MYO16: variants seen among roughly 807,000 people sequenced by gnomAD.
The protein encoded by MYO16 is unconventional myosin-XVI.
MYO16 carries 94 observed loss-of-function variants against 205.3 expected under a neutral mutation model. That is an observed-to-expected ratio of 0.46 (90% CI 0.39 to 0.54). MYO16 has a LOEUF of 0.54. MYO16 is among the 20% of genes least tolerant of loss of function. The probability of loss-of-function intolerance (pLI) is 0.00; values close to 1 mark genes in which losing one functional copy is unlikely to be tolerated. For missense variants in MYO16, 2,315 were observed against 2,387.5 expected (o/e 0.97, Z 0.63); for synonymous variants, 988 against 954.0 (o/e 1.04, Z -0.66).
chr13:109,055,382 C>T lies in MYO16; in HGVS notation c.3130-8C>T. ...GGAGAATCAGTTGGGTTCTACTTCT[C>T]TCCTTAGAAATCACTAATGGATATT... is the stretch of plus-strand genomic sequence containing the variant. On this transcript the variant is annotated splice_polypyrimidine_tract_variant and splice_region_variant and intron_variant, in intron 26 of 34. Coordinates refer to ENST00000457511, the MANE Select transcript of MYO16 (RefSeq NM_001198950.3). The surrounding 1 kb of genome is among the most constrained non-coding windows in gnomAD (Gnocchi z 5.0). 1 of 1,602,610 alleles carries T rather than the reference C, an allele frequency of 6.2e-7. No individual in the cohort carries two copies. The highest frequency in any genetic ancestry group is 8.5e-7 in the Non-Finnish European group (1 of 1,172,058).
the MYO16 span, among the ~76,000 whole-genome samples, chr13:108,572,586 A>G: frequency 2.0e-5 from 3 of 152,212 alleles, no homozygotes; most frequent in East Asian, 1.9e-4. Context: ...AGTGCGTTCT[A>G]TATTTTTGCA....
At chr13:108,609,026 C>T (rs1376628123) in intron 1 of MYO16, among the ~76,000 whole-genome samples, 1 of 151,410 alleles carries the variant, frequency 6.6e-6, no homozygotes, top group Non-Finnish European at 1.5e-5. Flanking sequence ...TTGAAAGGTA[C>T]TCAATGGTGA....
At chr13:109,119,876 C>T (rs1269793735) in intron 28 of MYO16, among the ~76,000 whole-genome samples, 1 of 152,132 alleles carries the variant, frequency 6.6e-6, no homozygotes, top group Non-Finnish European at 1.5e-5. Context: ...GTTGTACAAA[C>T]ATTTGATTTA....
chr13:108,712,817 AT>A, intron 3 of MYO16, 86 bp downstream of exon 3: 1 of 950,630 alleles, frequency 1.1e-6, no homozygotes, highest in Non-Finnish European at 1.6e-6. Flanking sequence ...CGAAATGTAC[AT>A]CTCACAGATG....
intron 10 of MYO16, among the ~76,000 whole-genome samples, chr13:108,853,954 T>TGTGTGTG (rs143412032): frequency 1.2e-4 from 16 of 138,500 alleles, no homozygotes; most frequent in African/African-American, 4.3e-4. Flanking sequence ...GTTTCTATTA[T>TGTGTGTG]TGTGTGTGTG....
intron 1 of MYO16, among the ~76,000 whole-genome samples, chr13:108,616,498 T>G (rs1879355275): frequency 6.6e-6 from 1 of 152,098 alleles, no homozygotes; most frequent in African/African-American, 2.4e-5. Flanking sequence ...ATGGGTCATA[T>G]GATGATGACT....
At chr13:108,920,804 G>T (rs1261953226) in intron 16 of MYO16, among the ~76,000 whole-genome samples, 12 of 152,216 alleles carry the variant, frequency 7.9e-5, no homozygotes, top group Admixed American at 7.9e-4. Flanking sequence ...ATAAATAAGA[G>T]ATATTTATTT....
chr13:108,661,480 C>T (rs1394407539), intron 1 of MYO16, among the ~76,000 whole-genome samples: 2 of 151,892 alleles, frequency 1.3e-5, no homozygotes, highest in African/African-American at 2.4e-5. Flanking sequence ...TTCATATTTT[C>T]TTATTCTGTT....
the MYO16 span, among the ~76,000 whole-genome samples, chr13:108,562,527 C>T: frequency 0.044 from 6,761 of 152,112 alleles, 451 homozygotes; most frequent in African/African-American, 0.15. Context: ...TATATAACAG[C>T]GTCCCACTTC....
At chr13:108,784,972 C>T (rs544611724) in intron 4 of MYO16, among the ~76,000 whole-genome samples, 4 of 152,244 alleles carry the variant, frequency 2.6e-5, no homozygotes, top group African/African-American at 9.6e-5. Context: ...AGGGGTGAAA[C>T]AGAGTGCCCA....
the MYO16 span, among the ~76,000 whole-genome samples, chr13:108,548,095 T>TAA: frequency 6.6e-6 from 1 of 152,214 alleles, no homozygotes; most frequent in Non-Finnish European, 1.5e-5. Context: ...GATAATCTTT[T>TAA]AAAATCTTTT....
chr13:108,879,359 T>C (rs924200393), intron 12 of MYO16, among the ~76,000 whole-genome samples: 1 of 151,902 alleles, frequency 6.6e-6, no homozygotes, highest in South Asian at 2.1e-4. Flanking sequence ...ACTTTTAACA[T>C]CAACCTTTTT....
intron 9 of MYO16, among the ~76,000 whole-genome samples, chr13:108,839,071 T>C (rs1256445602): frequency 6.6e-6 from 1 of 152,050 alleles, no homozygotes; most frequent in Non-Finnish European, 1.5e-5. Flanking sequence ...AAGTCCAAGG[T>C]TGAGGGATGA....
intron 21 of MYO16, among the ~76,000 whole-genome samples, chr13:109,003,487 A>G (rs1325645289): frequency 6.6e-6 from 1 of 152,170 alleles, no homozygotes; most frequent in Non-Finnish European, 1.5e-5. Flanking sequence ...TGACCAAGAG[A>G]GGAATAAATT....
the MYO16 span, among the ~76,000 whole-genome samples, chr13:108,545,227 G>A: frequency 6.6e-6 from 1 of 152,082 alleles, no homozygotes; most frequent in East Asian, 1.9e-4. Flanking sequence ...TGGATGTTTA[G>A]CTTCCATTTA....
intron 11 of MYO16, among the ~76,000 whole-genome samples, chr13:108,860,686 C>G (rs1295835351): frequency 6.6e-6 from 1 of 152,238 alleles, no homozygotes. Flanking sequence ...TAAAAACAAG[C>G]AATGAGGAAA....
the MYO16 span, among the ~76,000 whole-genome samples, chr13:108,538,288 CTG>C: frequency 6.6e-6 from 1 of 152,024 alleles, no homozygotes; most frequent in African/African-American, 2.4e-5. Flanking sequence ...AGTAGAAAAA[CTG>C]TGCAGATAGG....
intron 12 of MYO16, among the ~76,000 whole-genome samples, chr13:108,870,517 ATTTTC>A: frequency 6.6e-6 from 1 of 152,036 alleles, no homozygotes; most frequent in East Asian, 1.9e-4. Context: ...AAGGCCTGGT[ATTTTC>A]TTTGCAAGAA....
At chr13:108,571,748 T>G in the MYO16 span, among the ~76,000 whole-genome samples, 1 of 149,314 alleles carries the variant, frequency 6.7e-6, no homozygotes, top group Non-Finnish European at 1.5e-5. Flanking sequence ...CAAAACCAAG[T>G]AATGGGTCAA....
Sources: allele counts gnomAD v4.1 joint callset (sites outside exome capture counted in the v4.1 genomes callset), GRCh38; gene constraint gnomAD v4.1.1; non-coding constraint Gnocchi (gnomAD v3.1); transcripts MANE v1.5; gene names NCBI Gene and HGNC (gene_info 2026-07-23, HGNC 2026-07-21).